Variants in EXOC2 observed in about 807,000 individuals in gnomAD.
EXOC2 encodes the protein exocyst complex component 2.
Under a neutral mutation model 131.8 loss-of-function variants are expected in EXOC2, and 70 were observed. That is an observed-to-expected ratio of 0.53 (90% CI 0.44 to 0.65). EXOC2 has a LOEUF of 0.65. EXOC2 is among the 30% of genes least tolerant of loss of function. The pLI, the probability that EXOC2 is intolerant of heterozygous loss-of-function variation, is 0.00. For missense variants in EXOC2, 923 were observed against 1,108.6 expected (o/e 0.83, Z 2.38); for synonymous variants, 411 against 398.4 (o/e 1.03, Z -0.38).
At chr6:487,675 G>A (rs1012420972) in intron 27 of EXOC2, among the ~76,000 whole-genome samples, 4 of 152,164 alleles carry the variant, frequency 2.6e-5, no homozygotes, top group Non-Finnish European at 5.9e-5. Flanking sequence ...AAAGTGCTGG[G>A]ATTACAGGCA....
At position 578,472 on chromosome 6, in the gene EXOC2, A is replaced by C. The variant is rs111808992; in HGVS notation, c.1193-1590T>G. On this transcript the variant is annotated intron_variant, in intron 11 of 27. Transcript: ENST00000230449. Reference sequence around the variant, plus strand: ...CAAAAAAACGCTAAGCAGAGGAGGTAAATAGTGATTGTGTGGTAAGAAAAG... The same window carrying C: ...CAAAAAAACGCTAAGCAGAGGAGGTCAATAGTGATTGTGTGGTAAGAAAAG... Among the ~76,000 whole-genome samples, 1,023 of 152,264 alleles carry C rather than the reference A, an allele frequency of 6.7e-3. 9 individuals are homozygous for C. Among genetic ancestry groups the C allele is most frequent in the African/African-American group, 0.023 (963 of 41,574 alleles).
intron 6 of EXOC2, among the ~76,000 whole-genome samples, chr6:616,417 C>T (rs1405735607): frequency 6.6e-6 from 1 of 151,724 alleles, no homozygotes; most frequent in Admixed American, 6.6e-5. Context: ...TCCTGGCTAA[C>T]ACGGTGAAAC....
At chr6:605,928 C>G (rs1760385210) in intron 7 of EXOC2, among the ~76,000 whole-genome samples, 1 of 152,182 alleles carries the variant, frequency 6.6e-6, no homozygotes, top group Non-Finnish European at 1.5e-5. Context: ...TTTCAAAGAA[C>G]ATCTTTATTT....
In EXOC2 at chr6:545,686, T is replaced by C. The variant is rs377457922; in HGVS notation, c.2238+3489A>G. ...CAGCTTCCAAAAAGCTATCTGGCAA[T>C]ATTTACCAAGTACCTCTGGGGCTGT... On this transcript the variant is annotated intron_variant, in intron 22 of 27. Transcript: ENST00000230449. 5.1e-4 allele frequency among the ~76,000 whole-genome samples: 77 copies of C among 152,368 alleles called. 1 individual carries two copies. The South Asian group carries it at 8.1e-3, about 16-fold the overall frequency.
At chr6:677,434 C>T (rs1057353960) in intron 1 of EXOC2, among the ~76,000 whole-genome samples, 12 of 152,202 alleles carry the variant, frequency 7.9e-5, no homozygotes, top group Non-Finnish European at 1.6e-4. Flanking sequence ...AAATCAGAAA[C>T]AATACCAATT....
intron 13 of EXOC2, among the ~76,000 whole-genome samples, chr6:566,403 G>C (rs536323294): frequency 6.6e-6 from 1 of 152,196 alleles, no homozygotes. Flanking sequence ...CAGCAGGTGA[G>C]CCCAGGTGGC....
At chr6:542,825 G>A (rs1158452404) in intron 22 of EXOC2, among the ~76,000 whole-genome samples, 1 of 152,200 alleles carries the variant, frequency 6.6e-6, no homozygotes, top group African/African-American at 2.4e-5. Flanking sequence ...GAATGATAAG[G>A]TGTTGGAGTA....
At chr6:526,308 A>C (rs999926556) in intron 23 of EXOC2, among the ~76,000 whole-genome samples, 4 of 152,202 alleles carry the variant, frequency 2.6e-5, no homozygotes, top group African/African-American at 9.7e-5. Flanking sequence ...TGGTATTTTA[A>C]ATTACATTCT....
intron 23 of EXOC2, among the ~76,000 whole-genome samples, chr6:500,809 C>T (rs1417565183): frequency 6.6e-6 from 1 of 151,904 alleles, no homozygotes; most frequent in Non-Finnish European, 1.5e-5. Context: ...GGAAAATATT[C>T]TCCCAGAGTC....
At chr6:507,509 G>A (rs1764633707) in intron 23 of EXOC2, among the ~76,000 whole-genome samples, 1 of 152,152 alleles carries the variant, frequency 6.6e-6, no homozygotes, top group Non-Finnish European at 1.5e-5. Context: ...GAAAGCAAAT[G>A]CATGAAATAC....
intron 7 of EXOC2, among the ~76,000 whole-genome samples, chr6:599,735 G>A (rs1018031652): frequency 6.6e-6 from 1 of 152,122 alleles, no homozygotes; most frequent in African/African-American, 2.4e-5. Flanking sequence ...TTACCTCTAC[G>A]TAGCAGGCAA....
intron 22 of EXOC2, among the ~76,000 whole-genome samples, chr6:533,865 C>T (rs1054176822): frequency 3.3e-5 from 5 of 152,266 alleles, no homozygotes; most frequent in Middle Eastern, 3.4e-3. Flanking sequence ...TGAGCTGCAA[C>T]GAACTACAGT....
In EXOC2 at chr6:598,114, T is replaced by A; in HGVS notation, c.980A>T (p.Glu327Val). The change falls in exon 10 of 28, where the codon GAA becomes GTA. Residue 327 changes from glutamate to valine, a missense_variant. Physicochemically the swap from Glu to Val is moderately radical, Grantham distance 121. Transcript: ENST00000230449. ...EVQVFKKYYAEVETRIEALRE... is the reference protein window; with the variant it reads ...EVQVFKKYYAVVETRIEALRE... Reference sequence around the variant, plus strand: ...TAAAGCTTCAATCCTTGTTTCTACTTCAGCATAATCTATTTAAAAAGAAAA... The same window carrying A: ...TAAAGCTTCAATCCTTGTTTCTACTACAGCATAATCTATTTAAAAAGAAAA... 1 of 1,604,682 alleles carries A rather than the reference T, an allele frequency of 6.2e-7. No individual in the cohort carries two copies. The highest frequency in any genetic ancestry group is 8.5e-7 in the Non-Finnish European group (1 of 1,174,358).
chr6:593,600 C>T (rs961156586), intron 10 of EXOC2, among the ~76,000 whole-genome samples: 4 of 152,206 alleles, frequency 2.6e-5, no homozygotes, highest in African/African-American at 7.2e-5. Flanking sequence ...GCCCTCAGCC[C>T]TCACAAAATA....
intron 1 of EXOC2, among the ~76,000 whole-genome samples, chr6:692,277 C>T (rs925652645): frequency 2.0e-5 from 3 of 152,220 alleles, no homozygotes; most frequent in Non-Finnish European, 4.4e-5. Flanking sequence ...AACTTACTTC[C>T]ATTCAAAGAC....
At chr6:569,889 G>A (rs1233977820) in intron 13 of EXOC2, among the ~76,000 whole-genome samples, 2 of 152,008 alleles carry the variant, frequency 1.3e-5, no homozygotes, top group Non-Finnish European at 2.9e-5. Flanking sequence ...TTTCATCTAC[G>A]ACCAAATATT....
intron 13 of EXOC2, among the ~76,000 whole-genome samples, chr6:569,578 C>T (rs560828778): frequency 8.7e-4 from 132 of 152,348 alleles, no homozygotes; most frequent in Non-Finnish European, 1.5e-3. Context: ...AGAATTCAAT[C>T]CAGCTTCTGG....
intron 22 of EXOC2, 132 bp downstream of exon 22, chr6:549,043 G>A (rs564880791): frequency 2.2e-4 from 158 of 718,450 alleles, no homozygotes; most frequent in Non-Finnish European, 3.2e-4. Flanking sequence ...GGGTGAAGGC[G>A]GGGAAGCAGT....
intron 11 of EXOC2, among the ~76,000 whole-genome samples, chr6:588,833 C>T (rs1284445806): frequency 2.0e-5 from 3 of 151,722 alleles, no homozygotes; most frequent in Non-Finnish European, 4.4e-5. Context: ...TGATTTTAAG[C>T]AATTTAGAAT....
Sources: gnomAD v4.1 joint callset for allele counts (sites outside exome capture counted in the v4.1 genomes callset) on GRCh38, gnomAD v4.1.1 for gene constraint, MANE v1.5 for transcripts, NCBI Gene and HGNC (gene_info 2026-07-23, HGNC 2026-07-21) for gene names.